Variants in DNAH2 observed in about 807,000 individuals in gnomAD.
DNAH2 encodes the protein dynein axonemal heavy chain 2.
In DNAH2, 323 loss-of-function variants were observed where a neutral mutation model predicts 523.5. The observed-to-expected ratio is 0.62, with a 90% CI of 0.56 to 0.68. DNAH2 has a LOEUF of 0.68. DNAH2 is among the 30% of genes least tolerant of loss of function. The pLI, the probability that DNAH2 is intolerant of heterozygous loss-of-function variation, is 0.00. For missense variants in DNAH2, 4,907 were observed against 5,701.5 expected (o/e 0.86, Z 4.49); for synonymous variants, 2,093 against 2,177.4 (o/e 0.96, Z 1.08).
intron 57 of DNAH2, 79 bp downstream of exon 57, chr17:7,801,789 CCT>C (rs2077231222): frequency 1.2e-6 from 2 of 1,609,062 alleles, no homozygotes; most frequent in African/African-American, 2.7e-5. Context: ...GCACCCCCGG[CCT>C]CTCTCCTTCC....
chr17:7,817,717 T>G lies in DNAH2; in HGVS notation c.10169+8T>G, dbSNP rs1463106725. On this transcript the variant is annotated splice_region_variant and intron_variant, in intron 66 of 85. Coordinates refer to ENST00000572933, the MANE Select transcript of DNAH2 (RefSeq NM_020877.5). ...CGTCACCCGAGGCAACAGGTGAGGG[T>G]GCTGCTGGGCGTGGGGGCGGTACGG... 2.5e-6 allele frequency: 4 copies of G among 1,613,910 alleles called. No homozygotes were observed. The South Asian group carries it at 4.4e-5, about 18-fold the overall frequency.
Position 7,768,133 on chromosome 17 carries a change from G to A in DNAH2, c.3838-31G>A, listed in dbSNP as rs144899238. On this transcript the variant is annotated intron_variant, in intron 23 of 85. Transcript: ENST00000572933. ...TGGGTCTGTTCCCAGGGAGGTCGTC[G>A]GGTCTTCTCATGCCCCCAACTTTTG... 54 of 1,614,146 alleles carry A rather than the reference G, an allele frequency of 3.3e-5. No homozygotes were observed. In the South Asian group the frequency reaches 5.6e-4, roughly 17 times the overall value.
intron 63 of DNAH2, among the ~76,000 whole-genome samples, chr17:7,814,310 T>A (rs780516308): frequency 6.6e-6 from 1 of 151,730 alleles, no homozygotes; most frequent in East Asian, 1.9e-4. Context: ...TTTAAAGATA[T>A]GTTATAAAGT....
chr17:7,726,753 G>T (rs1439986279), intron 3 of DNAH2, among the ~76,000 whole-genome samples: 1 of 152,078 alleles, frequency 6.6e-6, no homozygotes, highest in African/African-American at 2.4e-5. Flanking sequence ...TGGTCTCCCT[G>T]CTCCTAATTG....
rs1399535460 is a variant in DNAH2, at chr17:7,821,142, C to T, written c.11016-101C>T. 1 of 1,485,034 alleles carries T rather than the reference C, an allele frequency of 6.7e-7. No individual in the cohort carries two copies. The highest frequency in any genetic ancestry group is 2.4e-5 in the East Asian group (1 of 41,956). The allele number at this position is 1,485,034 out of a possible 1,614,324, so 92.0% of individuals were successfully genotyped here. On this transcript the variant is annotated intron_variant, in intron 72 of 85. Coordinates refer to ENST00000572933, the MANE Select transcript of DNAH2 (RefSeq NM_020877.5). The surrounding 1 kb of genome is among the most constrained non-coding windows in gnomAD (Gnocchi z 5.0). The stretch of plus-strand genomic sequence containing the variant: ...GGTTAGGATTAGAGGCTGGTGAGGT[C>T]CTCTGTGTGAAGCTGTGTGATAGTA...
chr17:7,726,392 C>T (rs2151123793), intron 3 of DNAH2, among the ~76,000 whole-genome samples: 1 of 150,708 alleles, frequency 6.6e-6, no homozygotes, highest in Admixed American at 6.6e-5. Flanking sequence ...CAATCTCTGA[C>T]TCCTGGGTTC....
intron 77 of DNAH2, 108 bp downstream of exon 77, chr17:7,824,835 C>CA (rs1567762577): frequency 1.0e-6 from 1 of 1,001,404 alleles, no homozygotes; most frequent in African/African-American, 1.7e-5. Context: ...TGATTGTCCT[C>CA]AAAAAATTCC....
At position 7,788,196 on chromosome 17, in the gene DNAH2, C is replaced by T; in HGVS notation, c.6852C>T (p.Ile2284=). Residue 2284 remains isoleucine (I), a synonymous_variant, in exon 44 of 86, where the codon ATC becomes ATT. Transcript: ENST00000572933. ...ELVPLPEYSG[I]TSLCKLYSAL... ...TGCCCCTGCCCGAGTACAGCGGTATCACCTCCCTCTGCAAGCTGTACTCTG... is the reference window on the plus strand; with the variant it reads ...TGCCCCTGCCCGAGTACAGCGGTATTACCTCCCTCTGCAAGCTGTACTCTG... The T allele has an allele frequency of 6.2e-7, 1 of 1,610,498 alleles. No individual in the cohort carries two copies.
In DNAH2 at chr17:7,743,083, T is replaced by C. The variant is rs1002581269; in HGVS notation, c.1845T>C (p.Asp615=). ...ACAAGGATTGCATTCGGCGGTTGGA[T>C]ACCCCATTGCTGCGAATCAGCCAGG... ...SLDKDCIRRL[D]TPLLRISQEK... The change falls in exon 12 of 86, where the codon GAT becomes GAC. Residue 615 remains aspartate (D), a synonymous_variant. Transcript: ENST00000572933. 6.5e-6 allele frequency: 10 copies of C among 1,546,976 alleles called. No individual in the cohort carries two copies. The highest frequency in any genetic ancestry group is 7.8e-6 in the Non-Finnish European group (9 of 1,152,892).
In DNAH2 at chr17:7,770,774, GGCACTGGAAGATAACCAGGTA is replaced by G; in HGVS notation, c.4206_4226del (p.Glu1404_Leu1410del). ...TCAGAGGTACAGAAGAAGTATTCCA[GGCACTGGAAGATAACCAGGTA>G]GCTCTGTCTACCATGAAGGCATCAC... On this transcript the variant is annotated inframe_deletion, in exon 27 of 86. Coordinates refer to ENST00000572933, the MANE Select transcript of DNAH2 (RefSeq NM_020877.5). 11 of 1,614,188 alleles carry G rather than the reference GGCACTGGAAGATAACCAGGTA, an allele frequency of 6.8e-6. No homozygotes were observed. Among genetic ancestry groups the G allele is most frequent in the Non-Finnish European group, 9.3e-6 (11 of 1,180,034 alleles).
At position 7,831,563 on chromosome 17, in the gene DNAH2, C is replaced by T. The variant is rs201924011; in HGVS notation, c.12611+22C>T. The T allele has an allele frequency of 1.9e-5, 31 of 1,613,966 alleles. No individual in the cohort carries two copies. The highest frequency in any genetic ancestry group is 1.6e-4 in the Middle Eastern group (1 of 6,062). ...TCCTGTAAGACAGAGGGGGACTCTGCGGAACAGGGGAGGGTGTGAGGAGAA... is the reference window on the plus strand; with the variant it reads ...TCCTGTAAGACAGAGGGGGACTCTGTGGAACAGGGGAGGGTGTGAGGAGAA... On this transcript the variant is annotated intron_variant, in intron 81 of 85. Coordinates refer to ENST00000572933, the MANE Select transcript of DNAH2 (RefSeq NM_020877.5). This position sits in a 1 kb window ranked among gnomAD's most constrained non-coding sequence, Gnocchi z 4.2.
intron 27 of DNAH2, 33 bp downstream of exon 27, chr17:7,770,966 C>T (rs2076298851): frequency 6.2e-7 from 1 of 1,604,372 alleles, no homozygotes; most frequent in Non-Finnish European, 8.5e-7. Context: ...CTTCCTGCTT[C>T]CTGCTCTTAC....
intron 2 of DNAH2, among the ~76,000 whole-genome samples, chr17:7,720,428 T>G (rs1010964527): frequency 5.9e-5 from 9 of 152,162 alleles, no homozygotes; most frequent in African/African-American, 2.2e-4. Flanking sequence ...AGGTTCAGGT[T>G]CAGGATGACA....
rs775782232 is a variant in DNAH2 at position 7,758,514 on chromosome 17, C to A, written c.2071C>A (p.Pro691Thr). The part of the protein sequence containing the change: ...DYNRIIAMLS[P>T]DEQALFKERI... The stretch of plus-strand genomic sequence containing the variant: ...GCACAGGATTATTGCCATGCTGTCC[C>A]CAGATGAGCAGGCCCTATTCAAAGA... Residue 691 changes from proline to threonine, a missense_variant, in exon 14 of 86, where the codon CCA becomes ACA. This residue lies in a region of DNAH2 where 2,806 missense variants were observed against 3,190.8 expected (regional missense o/e 0.88). Coordinates refer to ENST00000572933, the MANE Select transcript of DNAH2 (RefSeq NM_020877.5). The A allele has an allele frequency of 6.2e-7, 1 of 1,613,880 alleles. No individual in the cohort carries two copies. The highest frequency in any genetic ancestry group is 1.7e-5 in the Admixed American group (1 of 59,974).
At chr17:7,758,247 A>T (rs2075899256) in intron 13 of DNAH2, among the ~76,000 whole-genome samples, 1 of 152,248 alleles carries the variant, frequency 6.6e-6, no homozygotes, top group Non-Finnish European at 1.5e-5. Flanking sequence ...TGGACAGCAC[A>T]CATCGCATTA....
rs1213149329 is a variant in DNAH2 at position 7,778,384 on chromosome 17, C to A, written c.5456C>A (p.Ala1819Asp). 6.2e-7 allele frequency: 1 copy of A among 1,614,076 alleles called. No homozygotes were observed. Among genetic ancestry groups the A allele is most frequent in the Admixed American group, 1.7e-5 (1 of 60,006 alleles). ...GAGACCGTCAAGGACCTGGGCAAGG[C>A]CCTGGGCATATATGTCATTGTGGTC... ...KTETVKDLGKALGIYVIVVNC... is the reference protein window; with the variant it reads ...KTETVKDLGKDLGIYVIVVNC... The change falls in exon 35 of 86, where the codon GCC becomes GAC. Residue 1819 changes from alanine to aspartate, a missense_variant. By Grantham distance (126) the Ala-to-Asp change is moderately radical. Around this residue, in one of 3 missense-constraint regions of DNAH2, gnomAD observed 2,806 missense variants for 3,190.8 expected, o/e 0.88. Coordinates refer to ENST00000572933, the MANE Select transcript of DNAH2 (RefSeq NM_020877.5).
intron 44 of DNAH2, among the ~76,000 whole-genome samples, chr17:7,789,626 G>C (rs568481511): frequency 2.2e-4 from 34 of 151,162 alleles, no homozygotes; most frequent in African/African-American, 7.8e-4. Flanking sequence ...GCCCAGGCTG[G>C]AGTGCAGTGG....
Position 7,759,073 on chromosome 17 carries a change from G to C in DNAH2, c.2397G>C (p.Val799=). The C allele has an allele frequency of 6.2e-7, 1 of 1,614,150 alleles. No homozygotes were observed. Residue 799 remains valine (V), a synonymous_variant, in exon 15 of 86, where the codon GTG becomes GTC. Transcript: ENST00000572933. ...QQKLMNLHQD[V]VTIMTNSYEV... The stretch of plus-strand genomic sequence containing the variant: ...AATTGATGAACCTGCACCAGGATGT[G>C]GTGACCATCATGACCAACTCCTATG...
rs1227251163 is a variant in DNAH2 at position 7,739,724 on chromosome 17, CT to C, written c.1171-3del. 1 of 1,610,618 alleles carries C rather than the reference CT, an allele frequency of 6.2e-7. No homozygotes were observed. Among genetic ancestry groups the C allele is most frequent in the Middle Eastern group, 2.0e-4 (1 of 4,996 alleles). On this transcript the variant is annotated splice_region_variant and splice_polypyrimidine_tract_variant and intron_variant, in intron 8 of 85. Coordinates refer to ENST00000572933, the MANE Select transcript of DNAH2 (RefSeq NM_020877.5). The stretch of plus-strand genomic sequence containing the variant: ...AAAGCAGGAACCCTCATGCTGTCTT[CT>C]TTTTTAGGTATGTGACTGTCAGTAT...
Sources: gnomAD v4.1 joint callset for allele counts (sites outside exome capture counted in the v4.1 genomes callset) on GRCh38, gnomAD v4.1.1 for gene constraint, gnomAD v4.1.1 regional missense constraint, Gnocchi (gnomAD v3.1) non-coding constraint, MANE v1.5 for transcripts, NCBI Gene and HGNC (gene_info 2026-07-23, HGNC 2026-07-21) for gene names.